The following ADIPOR2 variants were observed in gnomAD, a reference collection of about 807,000 sequenced individuals.
ADIPOR2 encodes adiponectin receptor 2, also known as adiponectin receptor protein 2.
ADIPOR2 carries 18 observed loss-of-function variants against 40.9 expected under a neutral mutation model. That is an observed-to-expected ratio of 0.44 (90% confidence interval 0.30 to 0.65). The LOEUF (loss-of-function observed/expected upper bound fraction) is 0.65, where lower values mean the gene tolerates loss of function less well. Ranked by LOEUF, ADIPOR2 falls within the 30% of genes least tolerant of loss-of-function variation. The probability of loss-of-function intolerance (pLI) is 0.09; values close to 1 mark genes in which losing one functional copy is unlikely to be tolerated. For missense variants in ADIPOR2, 283 were observed against 479.2 expected, an observed-to-expected ratio of 0.59 and a Z score of 3.82; for synonymous variants, 165 against 166.4, an observed-to-expected ratio of 0.99 and a Z score of 0.06.
intron 1 of ADIPOR2, among the ~76,000 whole-genome samples, chr12:1,693,739 A>G (rs1050918131): frequency 2.0e-5 from 3 of 151,640 alleles, no homozygotes; most frequent in Non-Finnish European, 2.9e-5. Flanking sequence ...GGGTTTCACC[A>G]TGTTGGCCAG....
intron 2 of ADIPOR2, among the ~76,000 whole-genome samples, chr12:1,761,316 C>T (rs183784155): frequency 6.6e-6 from 1 of 152,246 alleles, no homozygotes; most frequent in East Asian, 1.9e-4. Context: ...AATAATGTTG[C>T]TATTATCATT....
chr12:1,769,105 G>A (rs1862445297), intron 2 of ADIPOR2, among the ~76,000 whole-genome samples: 1 of 152,194 alleles, frequency 6.6e-6, no homozygotes, highest in Admixed American at 6.5e-5. Context: ...TTTGGGTACT[G>A]TGGTTTGGTG....
intron 1 of ADIPOR2, among the ~76,000 whole-genome samples, chr12:1,743,997 A>G (rs140970892): frequency 2.0e-5 from 3 of 152,294 alleles, no homozygotes; most frequent in African/African-American, 7.2e-5. Flanking sequence ...TTTAGCTCAA[A>G]TTTATGTTGG....
At chr12:1,696,811 T>TA (rs2094640011) in intron 1 of ADIPOR2, 1 of 153,844 alleles carries the variant, frequency 6.5e-6, no homozygotes, top group South Asian at 2.1e-4. Context: ...ATCATATTCT[T>TA]ATCCTTGTGT....
At chr12:1,725,901 T>TTCAC (rs1216836182) in intron 1 of ADIPOR2, among the ~76,000 whole-genome samples, 2 of 152,254 alleles carry the variant, frequency 1.3e-5, no homozygotes, top group African/African-American at 4.8e-5. Context: ...AATTTATTCA[T>TTCAC]TCACTCAAGA....
At chr12:1,767,114 A>G (rs1365677645) in intron 2 of ADIPOR2, among the ~76,000 whole-genome samples, 1 of 151,848 alleles carries the variant, frequency 6.6e-6, no homozygotes, top group African/African-American at 2.4e-5. Context: ...TACTAAAAAT[A>G]TAAATAATTA....
chr12:1,757,706 C>T (rs1862169140), intron 2 of ADIPOR2: 3 of 1,315,588 alleles, frequency 2.3e-6, no homozygotes, highest in East Asian at 2.3e-5. Flanking sequence ...CCCTTGGTGT[C>T]ATAGATGAGA....
At chr12:1,730,440 A>C (rs1185757611) in intron 1 of ADIPOR2, among the ~76,000 whole-genome samples, 1 of 151,478 alleles carries the variant, frequency 6.6e-6, no homozygotes, top group East Asian at 1.9e-4. Flanking sequence ...ACACGGTGAA[A>C]CCTCGTCTCT....
At chr12:1,716,726 A>G (rs2094688380) in intron 1 of ADIPOR2, among the ~76,000 whole-genome samples, 1 of 152,192 alleles carries the variant, frequency 6.6e-6, no homozygotes, top group African/African-American at 2.4e-5. Context: ...TTTATTCAGT[A>G]TTTATTTTCA....
At chr12:1,698,357 G>A (rs763671371) in intron 1 of ADIPOR2, among the ~76,000 whole-genome samples, 3 of 152,084 alleles carry the variant, frequency 2.0e-5, no homozygotes, top group Non-Finnish European at 2.9e-5. Flanking sequence ...AGACTCCCAC[G>A]TAGCTGGGAC....
intron 2 of ADIPOR2, among the ~76,000 whole-genome samples, chr12:1,754,781 G>C (rs528442552): frequency 6.6e-6 from 1 of 151,764 alleles, no homozygotes; most frequent in Non-Finnish European, 1.5e-5. Context: ...TCACCCAGGC[G>C]GAGTGCAGTA....
chr12:1,736,621 G>T (rs2094731382), intron 1 of ADIPOR2, among the ~76,000 whole-genome samples: 2 of 152,244 alleles, frequency 1.3e-5, no homozygotes, highest in South Asian at 2.1e-4. Context: ...CTTCAGTTCT[G>T]CTCTGATCTT....
intron 1 of ADIPOR2, among the ~76,000 whole-genome samples, chr12:1,726,668 C>CA (rs779278682): frequency 6.7e-6 from 1 of 150,098 alleles, no homozygotes; most frequent in East Asian, 1.9e-4. Flanking sequence ...CTTTGTACAG[C>CA]TTTTTTTTTT....
intron 2 of ADIPOR2, among the ~76,000 whole-genome samples, chr12:1,764,147 A>G (rs1374305727): frequency 2.0e-5 from 3 of 152,322 alleles, no homozygotes; most frequent in Middle Eastern, 3.4e-3. Flanking sequence ...TTTTCCTTAC[A>G]TTAAAATGGA....
intron 2 of ADIPOR2, among the ~76,000 whole-genome samples, chr12:1,761,226 T>TG (rs1482524285): frequency 1.3e-5 from 2 of 152,156 alleles, no homozygotes; most frequent in Non-Finnish European, 2.9e-5. Context: ...TTCCTGTGGA[T>TG]GGGGGGAAAC....
chr12:1,693,142 C>T lies in ADIPOR2; in HGVS notation c.-87+1951C>T, dbSNP rs111415604. 7.7e-3 allele frequency among the ~76,000 whole-genome samples: 1,170 copies of T among 151,864 alleles called. 19 individuals are homozygous for T. Among genetic ancestry groups the T allele is most frequent in the African/African-American group, 0.027 (1,112 of 41,392 alleles). On this transcript the variant is annotated intron_variant, in intron 1 of 7. Transcript: ENST00000357103. ...TGCACTCCAGTCTGGACAACAAGAGCGAAACTCCGTCTTAAAAAAAAGAGG... is the reference window on the plus strand; with the variant it reads ...TGCACTCCAGTCTGGACAACAAGAGTGAAACTCCGTCTTAAAAAAAAGAGG...
intron 3 of ADIPOR2, among the ~76,000 whole-genome samples, chr12:1,775,890 A>G (rs1862583046): frequency 1.3e-5 from 2 of 152,178 alleles, no homozygotes; most frequent in Admixed American, 1.3e-4. Flanking sequence ...GTCCTGTGGA[A>G]GATCTCATAC....
chr12:1,706,501 C>T (rs540104292), intron 1 of ADIPOR2, among the ~76,000 whole-genome samples: 1 of 152,146 alleles, frequency 6.6e-6, no homozygotes, highest in East Asian at 1.9e-4. Flanking sequence ...TATTACTTGG[C>T]TAAAATACAA....
chr12:1,785,057 G>A (rs1862799090), intron 7 of ADIPOR2, among the ~76,000 whole-genome samples: 1 of 152,258 alleles, frequency 6.6e-6, no homozygotes, highest in East Asian at 1.9e-4. Flanking sequence ...TTCTTTGGGG[G>A]AAATTAATCC....
Sources: allele counts gnomAD v4.1 joint callset (sites outside exome capture counted in the v4.1 genomes callset), GRCh38; gene constraint gnomAD v4.1.1; transcripts MANE v1.5; gene names NCBI Gene and HGNC (gene_info 2026-07-23, HGNC 2026-07-21).